NWD1: variants seen among roughly 807,000 people sequenced by gnomAD.
The protein encoded by NWD1 is NACHT domain- and WD repeat-containing protein 1.
A neutral mutation model predicts 135.1 loss-of-function variants in NWD1; 129 were observed. That is an observed-to-expected ratio of 0.96 (90% CI 0.83 to 1.11). NWD1 has a LOEUF of 1.11. Ranked by LOEUF, NWD1 falls within the 50% of genes least tolerant of loss-of-function variation. The pLI, the probability that NWD1 is intolerant of heterozygous loss-of-function variation, is 0.00. For synonymous variants in NWD1, 773 were observed against 786.0 expected (o/e 0.98, Z 0.28); for missense variants, 1,740 against 1,851.3 (o/e 0.94, Z 1.10).
At chr19:16,784,505 A>T (rs753877228) in intron 12 of NWD1, among the ~76,000 whole-genome samples, 3 of 152,146 alleles carry the variant, frequency 2.0e-5, no homozygotes, top group Non-Finnish European at 4.4e-5. Context: ...AAGGAAGGGC[A>T]GGGGAGAGGA....
At chr19:16,809,758 C>T (rs1181631795) in intron 18 of NWD1, among the ~76,000 whole-genome samples, 4 of 151,634 alleles carry the variant, frequency 2.6e-5, no homozygotes, top group African/African-American at 7.3e-5. Flanking sequence ...GGGGTTTCAC[C>T]GTGTTAGCCA....
In NWD1 at chr19:16,744,738, C is replaced by G; in HGVS notation, c.496+20C>G. On this transcript the variant is annotated intron_variant, in intron 5 of 18. Coordinates refer to ENST00000524140, the MANE Select transcript of NWD1 (RefSeq NM_001007525.5). ...GGTCAGGTGAGGCCGCAGGGACTCC[C>G]CTCTGGAGACCCACAAGAAACTGAC... 6.5e-7 allele frequency: 1 copy of G among 1,527,268 alleles called. No individual in the cohort carries two copies. Among genetic ancestry groups the G allele is most frequent in the South Asian group, 1.2e-5 (1 of 83,856 alleles). The allele number at this position is 1,527,268 out of a possible 1,614,324, so 94.6% of individuals were successfully genotyped here. A position where few individuals can be genotyped will look rare whatever the true frequency, so the allele number is the denominator to read the frequency against.
At chr19:16,785,447 G>T (rs541574924) in intron 12 of NWD1, among the ~76,000 whole-genome samples, 85 of 151,862 alleles carry the variant, frequency 5.6e-4, no homozygotes, top group African/African-American at 1.9e-3. Flanking sequence ...GGAGTGGGAG[G>T]TTGCAGTGAG....
chr19:16,757,297 C>A (rs117235935), intron 6 of NWD1, among the ~76,000 whole-genome samples: 1 of 152,048 alleles, frequency 6.6e-6, no homozygotes, highest in Non-Finnish European at 1.5e-5. Flanking sequence ...ATCAACCATG[C>A]GAGCCCAAGA....
At position 16,719,966 on chromosome 19, in the gene NWD1, T is replaced by C. The variant is rs1341384144; in HGVS notation, c.-432T>C. On this transcript the variant is annotated 5_prime_UTR_variant, in exon 1 of 19. Transcript: ENST00000524140. ...GGCCAGGAAACTGTCCTCTCTAACCTATTTCCCCAGAGGAGTCTAAATTGG... is the reference window on the plus strand; with the variant it reads ...GGCCAGGAAACTGTCCTCTCTAACCCATTTCCCCAGAGGAGTCTAAATTGG... 1 of 152,194 alleles carries C rather than the reference T, an allele frequency of 6.6e-6. No homozygotes were observed. Among genetic ancestry groups the C allele is most frequent in the East Asian group, 1.9e-4 (1 of 5,192 alleles). The allele number at this position is 152,194 out of a possible 1,614,324, so 9.4% of individuals were successfully genotyped here.
Position 16,808,037 on chromosome 19 carries a change from C to G in NWD1, c.4188C>G (p.Val1396=). The change falls in exon 18 of 19, where the codon GTC becomes GTG. Residue 1396 remains valine, a synonymous_variant. Coordinates refer to ENST00000524140, the MANE Select transcript of NWD1 (RefSeq NM_001007525.5). ...THRSRVACVE[V]SHKEQLVVSG... ...GGAGCCGAGTTGCCTGTGTGGAGGT[C>G]AGCCACAAGGAGCAGCTGGTGGTCA... The G allele has an allele frequency of 2.5e-6, 4 of 1,614,116 alleles. No individual in the cohort carries two copies. The highest frequency in any genetic ancestry group is 3.4e-6 in the Non-Finnish European group (4 of 1,180,008).
At chr19:16,802,547 C>T (rs118107491) in intron 17 of NWD1, among the ~76,000 whole-genome samples, 7,733 of 151,754 alleles carry the variant, frequency 0.051, 281 homozygotes, top group Non-Finnish European at 0.072. Context: ...ACACCCCAAC[C>T]CCCTTCACCT....
chr19:16,743,533 C>T (rs1416877256), intron 4 of NWD1, among the ~76,000 whole-genome samples: 1 of 151,648 alleles, frequency 6.6e-6, no homozygotes, highest in Non-Finnish European at 1.5e-5. Context: ...TATTGACCCT[C>T]GTGACTTCTG....
Position 16,791,393 on chromosome 19 carries a change from T to A in NWD1, c.2984T>A (p.Ile995Asn), listed in dbSNP as rs759818736. 1.2e-6 allele frequency: 2 copies of A among 1,614,000 alleles called. No homozygotes were observed. Among genetic ancestry groups the A allele is most frequent in the Non-Finnish European group, 8.5e-7 (1 of 1,179,994 alleles). Residue 995 changes from isoleucine to asparagine, a missense_variant, in exon 14 of 19, where the codon ATC becomes AAC. By Grantham distance (149) the Ile-to-Asn change is moderately radical. Transcript: ENST00000524140. Reference protein sequence around the residue: ...NLETAEPVFHILGDASDPWMC... With the variant: ...NLETAEPVFHNLGDASDPWMC... ...GAAACTGCAGAGCCGGTATTCCATA[T>A]CCTGGGAGATGCCTCTGATCCTTGG... is the stretch of plus-strand genomic sequence containing the variant.
chr19:16,725,836 T>G (rs918114254), intron 2 of NWD1, among the ~76,000 whole-genome samples: 1 of 151,146 alleles, frequency 6.6e-6, no homozygotes, highest in African/African-American at 2.4e-5. Context: ...TACAGGCACG[T>G]GATTGTAGCT....
chr19:16,792,338 T>TCGAGACCAGCCTGGC (rs1970275913), intron 14 of NWD1, among the ~76,000 whole-genome samples: 1 of 151,712 alleles, frequency 6.6e-6, no homozygotes, highest in Non-Finnish European at 1.5e-5. Context: ...GGTCAGGAGT[T>TCGAGACCAGCCTGGC]CGAGACCAGC....
chr19:16,738,745 A>G (rs1278087756), intron 4 of NWD1, among the ~76,000 whole-genome samples: 1 of 139,992 alleles, frequency 7.1e-6, no homozygotes. Flanking sequence ...TATAATATAT[A>G]TATTATATAT....
Position 16,807,892 on chromosome 19 carries a change from C to T in NWD1, c.4043C>T (p.Pro1348Leu), listed in dbSNP as rs776838776. 6.2e-6 allele frequency: 10 copies of T among 1,614,194 alleles called. No individual in the cohort carries two copies. In the Middle Eastern group the frequency reaches 6.6e-4, roughly 107 times the overall value. Reference sequence around the variant, plus strand: ...AGATACACCTTTTACACTCAGCTGCCCGAGACCCTCTCCAGCGTGGCCATT... The same window carrying T: ...AGATACACCTTTTACACTCAGCTGCTCGAGACCCTCTCCAGCGTGGCCATT... The part of the protein sequence containing the change: ...GPRYTFYTQL[P>L]ETLSSVAILT... The change falls in exon 18 of 19, where the codon CCC (proline) becomes CTC (leucine). Residue 1348 changes from proline to leucine, a missense_variant. Coordinates refer to ENST00000524140, the MANE Select transcript of NWD1 (RefSeq NM_001007525.5).
At chr19:16,722,647 A>G (rs550121442) in intron 1 of NWD1, among the ~76,000 whole-genome samples, 3 of 151,980 alleles carry the variant, frequency 2.0e-5, no homozygotes, top group African/African-American at 4.8e-5. Flanking sequence ...TACCCCACAC[A>G]TTAAAGCTGT....
intron 4 of NWD1, among the ~76,000 whole-genome samples, chr19:16,739,883 C>G (rs1484353666): frequency 6.6e-6 from 1 of 152,132 alleles, no homozygotes; most frequent in African/African-American, 2.4e-5. Context: ...CAGATTGGAG[C>G]AGTTTGTTTT....
At chr19:16,783,002 C>T (rs1360356242) in intron 12 of NWD1, among the ~76,000 whole-genome samples, 2 of 128,086 alleles carry the variant, frequency 1.6e-5, no homozygotes, top group African/African-American at 7.2e-5. Context: ...CTTTCTCTCT[C>T]TCTTTCTTTC....
At chr19:16,738,796 TATAAC>T (rs1371739964) in intron 4 of NWD1, among the ~76,000 whole-genome samples, 4 of 140,292 alleles carry the variant, frequency 2.9e-5, no homozygotes, top group East Asian at 2.0e-4. Context: ...TATAATAACA[TATAAC>T]ATACTATTAT....
intron 18 of NWD1, among the ~76,000 whole-genome samples, chr19:16,814,458 T>C (rs1280289374): frequency 6.6e-6 from 1 of 152,108 alleles, no homozygotes; most frequent in African/African-American, 2.4e-5. Context: ...TGTTTGACAA[T>C]GAAGAAGCTG....
rs3745320 is a variant in NWD1 at position 16,807,726 on chromosome 19, A to G, written c.3877A>G (p.Ile1293Val). The G allele has an allele frequency of 5.6e-6, 9 of 1,613,426 alleles. No individual in the cohort carries two copies. Among genetic ancestry groups the G allele is most frequent in the South Asian group, 3.3e-5 (3 of 91,030 alleles). ...GAATTCCAGGCAGGACGTGATATGC[A>G]TTCCCCCTCCCGAGGCCCGGAAAGC... ...PLNSRQDVIC[I>V]PPPEARKAIN... The change falls in exon 18 of 19, where the codon ATT becomes GTT. Residue 1293 changes from isoleucine (I) to valine (V), a missense_variant. Physicochemically the swap from Ile to Val is conservative, Grantham distance 29 (BLOSUM62 3). Coordinates refer to ENST00000524140, the MANE Select transcript of NWD1 (RefSeq NM_001007525.5).
Sources: allele counts gnomAD v4.1 joint callset (sites outside exome capture counted in the v4.1 genomes callset), GRCh38; gene constraint gnomAD v4.1.1; transcripts MANE v1.5; gene names NCBI Gene and HGNC (gene_info 2026-07-23, HGNC 2026-07-21).